PDC: variants seen among roughly 807,000 people sequenced by gnomAD.
The protein encoded by PDC is 33 kDa phototransducing protein.
In PDC, 19 loss-of-function variants were observed where a neutral mutation model predicts 22.2. That is an observed-to-expected ratio of 0.86 (90% CI 0.60 to 1.26). The LOEUF (loss-of-function observed/expected upper bound fraction) is 1.26, where lower values mean the gene tolerates loss of function less well. Ranked by LOEUF, PDC falls within the 50% of genes most tolerant of loss-of-function variation. The pLI is 0.00. For missense variants in PDC, 274 were observed against 286.8 expected, an observed-to-expected ratio of 0.96 and a Z score of 0.32; for synonymous variants, 97 against 96.2, an observed-to-expected ratio of 1.01 and a Z score of -0.05.
chr1:186,460,315 T>C (rs1453170358), intron 1 of PDC, among the ~76,000 whole-genome samples: 1 of 152,176 alleles, frequency 6.6e-6, no homozygotes, highest in African/African-American at 2.4e-5. Flanking sequence ...TATCCTGCTC[T>C]CTCTGGCCTG....
At position 186,449,691 on chromosome 1, in the gene PDC, CAT is replaced by C. The variant is rs1558126670; in HGVS notation, c.-24-210_-24-209del. 3.3e-5 allele frequency among the ~76,000 whole-genome samples: 5 copies of C among 152,100 alleles called. 1 individual carries two copies. The highest frequency in any genetic ancestry group is 1.3e-4 in the Admixed American group (2 of 15,266). On this transcript the variant is annotated intron_variant, in intron 1 of 3. Coordinates refer to ENST00000391997, the MANE Select transcript of PDC (RefSeq NM_002597.5). The stretch of plus-strand genomic sequence containing the variant: ...GCAATGTAAAAGGACATTAATTTAA[CAT>C]GTGTTATTAAAGATGTCTGGACTTA...
intron 1 of PDC, among the ~76,000 whole-genome samples, chr1:186,458,363 T>G (rs998709190): frequency 6.7e-6 from 1 of 149,742 alleles, no homozygotes; most frequent in Non-Finnish European, 1.5e-5. Context: ...AGAGAAAAAG[T>G]CTTGGTCATG....
intron 3 of PDC, among the ~76,000 whole-genome samples, chr1:186,445,477 C>T (rs941762763): frequency 6.6e-6 from 1 of 152,084 alleles, no homozygotes; most frequent in South Asian, 2.1e-4. Flanking sequence ...ATATTTGTTT[C>T]CCTAATGTCC....
chr1:186,457,357 G>A (rs1662491095), intron 1 of PDC, among the ~76,000 whole-genome samples: 1 of 152,054 alleles, frequency 6.6e-6, no homozygotes, highest in South Asian at 2.1e-4. Flanking sequence ...GAGACTTTCA[G>A]TGTCTCCACA....
At chr1:186,455,588 T>G (rs1662440482) in intron 1 of PDC, among the ~76,000 whole-genome samples, 1 of 151,888 alleles carries the variant, frequency 6.6e-6, no homozygotes, top group Non-Finnish European at 1.5e-5. Flanking sequence ...ATTAACTCTT[T>G]CATTTTTTTT....
chr1:186,448,195 C>T (rs1571721614), intron 2 of PDC, among the ~76,000 whole-genome samples: 1 of 152,142 alleles, frequency 6.6e-6, no homozygotes, highest in African/African-American at 2.4e-5. Flanking sequence ...AGGGCATATA[C>T]ATTACTAATT....
rs1662572873 is a variant in PDC, at chr1:186,461,069, T to G, written c.-35A>C. The G allele has an allele frequency of 6.5e-6, 1 of 154,804 alleles. No individual in the cohort carries two copies. Among genetic ancestry groups the G allele is most frequent in the African/African-American group, 2.4e-5 (1 of 41,526 alleles). The allele number at this position is 154,804 out of a possible 1,614,324, so 9.6% of individuals were successfully genotyped here. A position where few individuals can be genotyped will look rare whatever the true frequency, so the allele number is the denominator to read the frequency against. ...TACTTGTGGACTCACAGTTTGGATC[T>G]CTGTGCCTGGTGTCCTTGTTGAGTG... On this transcript the variant is annotated 5_prime_UTR_variant, in exon 1 of 4. Coordinates refer to ENST00000391997, the MANE Select transcript of PDC (RefSeq NM_002597.5).
Position 186,450,342 on chromosome 1 carries a change from G to GT in PDC, c.-24-860dup, listed in dbSNP as rs1013557536. On this transcript the variant is annotated intron_variant, in intron 1 of 3. Transcript: ENST00000391997. ...AAGCCTATAGTATTTTTTTTTTTAAGTTTTTTGAGAGAGGGTCTAACTCTG... is the reference window on the plus strand; with the variant it reads ...AAGCCTATAGTATTTTTTTTTTTAAGTTTTTTTGAGAGAGGGTCTAACTCTG... Among the ~76,000 whole-genome samples, 39 of 151,488 alleles carry GT rather than the reference G, an allele frequency of 2.6e-4. No homozygotes were observed. In the East Asian group the frequency reaches 2.7e-3, roughly 11 times the overall value.
At chr1:186,456,013 A>G (rs956475883) in intron 1 of PDC, among the ~76,000 whole-genome samples, 7 of 130,004 alleles carry the variant, frequency 5.4e-5, no homozygotes, top group Non-Finnish European at 1.1e-4. Context: ...ATATATATAT[A>G]TATATATATA....
chr1:186,456,144 A>G lies in PDC; in HGVS notation c.-25+4915T>C, dbSNP rs911312796. ...AGTATTCTATACTAACTGCAGTAAA[A>G]TTAAGGGTATTGCTCTAAAAAAGTA... On this transcript the variant is annotated intron_variant, in intron 1 of 3. Coordinates refer to ENST00000391997, the MANE Select transcript of PDC (RefSeq NM_002597.5). 3.3e-5 allele frequency among the ~76,000 whole-genome samples: 5 copies of G among 151,058 alleles called. No individual in the cohort carries two copies. The East Asian group carries it at 7.7e-4, about 23-fold the overall frequency.
intron 1 of PDC, among the ~76,000 whole-genome samples, chr1:186,455,052 C>T (rs1354539786): frequency 6.6e-6 from 1 of 152,146 alleles, no homozygotes; most frequent in Non-Finnish European, 1.5e-5. Flanking sequence ...TTGCTAGGTA[C>T]CTTTGTCTGC....
rs1208105391 is a variant in PDC at position 186,449,494 on chromosome 1, A to C, written c.-24-11T>G. 7.6e-7 allele frequency: 1 copy of C among 1,318,766 alleles called. No homozygotes were observed. The highest frequency in any genetic ancestry group is 1.9e-4 in the Middle Eastern group (1 of 5,366). 81.7% of individuals were successfully genotyped at this position (1,318,766 alleles called of 1,614,324 possible). ...TGGATTTGATATAATCTATAGGAGG[A>C]ACAAAGAAATAATAATGACACAAGA... is the stretch of plus-strand genomic sequence containing the variant. On this transcript the variant is annotated splice_polypyrimidine_tract_variant and intron_variant, in intron 1 of 3. Coordinates refer to ENST00000391997, the MANE Select transcript of PDC (RefSeq NM_002597.5).
intron 1 of PDC, among the ~76,000 whole-genome samples, chr1:186,452,158 T>C (rs772904135): frequency 3.9e-5 from 6 of 152,256 alleles, no homozygotes; most frequent in Non-Finnish European, 7.3e-5. Context: ...ATTTATCCTG[T>C]CACCAACTCA....
At chr1:186,452,371 G>A (rs1662371268) in intron 1 of PDC, among the ~76,000 whole-genome samples, 1 of 152,070 alleles carries the variant, frequency 6.6e-6, no homozygotes, top group Non-Finnish European at 1.5e-5. Context: ...CCAACTAGCT[G>A]GGATTACAGG....
chr1:186,455,176 T>C (rs1662432374), intron 1 of PDC, among the ~76,000 whole-genome samples: 1 of 152,188 alleles, frequency 6.6e-6, no homozygotes, highest in African/African-American at 2.4e-5. Flanking sequence ...TGGTTTCTGG[T>C]GCCGGCCTTC....
intron 1 of PDC, among the ~76,000 whole-genome samples, chr1:186,456,528 T>C (rs570017684): frequency 8.5e-5 from 13 of 152,342 alleles, no homozygotes; most frequent in African/African-American, 2.6e-4. Context: ...TCTATTTACC[T>C]ATAGCATACC....
chr1:186,450,632 C>T (rs1313851263), intron 1 of PDC, among the ~76,000 whole-genome samples: 1 of 152,084 alleles, frequency 6.6e-6, no homozygotes, highest in Non-Finnish European at 1.5e-5. Flanking sequence ...CACACCCTGC[C>T]GGTTTATAGT....
rs374767376 is a variant in PDC at position 186,446,466 on chromosome 1, C to T, written c.173G>A (p.Ser58Asn). ...EILRQMSSPQ[S>N]RNGKDSKERV... ...TTCCTTTGAATCTTTGCCATTCCTA[C>T]TCTGAGGAGAAGACATTTGCCTGAG... is the stretch of plus-strand genomic sequence containing the variant. The change falls in exon 3 of 4, where the codon AGT (serine) becomes AAT (asparagine). Residue 58 changes from serine (S) to asparagine (N), a missense_variant. By Grantham distance (46) the Ser-to-Asn change is conservative. Coordinates refer to ENST00000391997, the MANE Select transcript of PDC (RefSeq NM_002597.5). The T allele has an allele frequency of 6.2e-7, 1 of 1,609,228 alleles. No individual in the cohort carries two copies. The highest frequency in any genetic ancestry group is 8.5e-7 in the Non-Finnish European group (1 of 1,176,530).
intron 1 of PDC, among the ~76,000 whole-genome samples, chr1:186,452,302 A>G (rs544361728): frequency 6.6e-6 from 1 of 152,184 alleles, no homozygotes; most frequent in East Asian, 1.9e-4. Context: ...GCAGTGGCAT[A>G]ATCTCCCCTC....
Sources: allele counts gnomAD v4.1 joint callset (sites outside exome capture counted in the v4.1 genomes callset), GRCh38; gene constraint gnomAD v4.1.1; transcripts MANE v1.5; gene names NCBI Gene and HGNC (gene_info 2026-07-23, HGNC 2026-07-21).